The following FRMPD4 variants were observed in gnomAD, a reference collection of about 807,000 sequenced individuals.
The protein encoded by FRMPD4 is FERM and PDZ domain-containing protein 4.
FRMPD4 carries 22 observed loss-of-function variants against 94.1 expected under a neutral mutation model. The observed-to-expected ratio is 0.23, with a 90% CI of 0.17 to 0.33. The LOEUF (loss-of-function observed/expected upper bound fraction) is 0.33. Ranked by LOEUF, FRMPD4 falls within the 10% of genes least tolerant of loss-of-function variation. The probability of loss-of-function intolerance (pLI) is 1.00; values close to 1 mark genes in which losing one functional copy is unlikely to be tolerated. For synonymous variants in FRMPD4, 631 were observed against 548.6 expected, an observed-to-expected ratio of 1.15 and a Z score of -2.10; for missense variants, 1,111 against 1,339.9, an observed-to-expected ratio of 0.83 and a Z score of 2.67.
intron 1 of FRMPD4, among the ~76,000 whole-genome samples, chrX:12,428,687 C>T (rs185594515): frequency 3.3e-3 from 370 of 111,722 alleles, no homozygotes; most frequent in African/African-American, 0.011. Flanking sequence ...GTAATATCTT[C>T]GCTTCTTTCT....
chrX:12,564,819 G>A (rs1197361184), intron 2 of FRMPD4, among the ~76,000 whole-genome samples: 1 of 42,983 alleles, frequency 2.3e-5, no homozygotes, highest in Non-Finnish European at 4.2e-5. Context: ...TACAAGGTAA[G>A]GAAATGCTTG....
intron 2 of FRMPD4, among the ~76,000 whole-genome samples, chrX:12,529,960 C>A (rs1045485701): frequency 9.1e-6 from 1 of 110,456 alleles, no homozygotes; most frequent in Non-Finnish European, 1.9e-5. Context: ...TTTATAAGAA[C>A]CCTAATCCTA....
chrX:12,450,017 G>C (rs1181225853), intron 1 of FRMPD4, among the ~76,000 whole-genome samples: 2 of 109,898 alleles, frequency 1.8e-5, no homozygotes, highest in Non-Finnish European at 3.8e-5. Flanking sequence ...AGAAATTATA[G>C]GCAGAAATTA....
At chrX:12,334,434 C>T (rs2055483585) in intron 1 of FRMPD4, among the ~76,000 whole-genome samples, 2 of 110,559 alleles carry the variant, frequency 1.8e-5, no homozygotes, top group Admixed American at 1.9e-4. Context: ...TGGGCACTGC[C>T]AAGTCAAGTG....
intron 3 of FRMPD4, among the ~76,000 whole-genome samples, chrX:12,112,115 C>T (rs1287871214): frequency 8.9e-6 from 1 of 111,994 alleles, no homozygotes; most frequent in Non-Finnish European, 1.9e-5. Context: ...GACACATGCA[C>T]ACGTATGTTT....
intron 1 of FRMPD4, among the ~76,000 whole-genome samples, chrX:12,278,278 G>T (rs1022171265): frequency 8.9e-6 from 1 of 112,119 alleles, no homozygotes; most frequent in African/African-American, 3.2e-5. Flanking sequence ...GCCGGGGAAT[G>T]ATTTTTTTCC....
chrX:12,449,118 G>A (rs1309907871), intron 1 of FRMPD4, among the ~76,000 whole-genome samples: 2 of 112,324 alleles, frequency 1.8e-5, no homozygotes, highest in African/African-American at 3.2e-5. Context: ...TTCACAATAC[G>A]TATTTAGGCC....
chrX:12,434,017 C>T (rs1228328978), intron 1 of FRMPD4, among the ~76,000 whole-genome samples: 1 of 111,462 alleles, frequency 9.0e-6, no homozygotes, highest in Non-Finnish European at 1.9e-5. Context: ...GTAGAAGCTT[C>T]AAGCGTGGAG....
At chrX:12,496,321 G>A (rs1326607282) in intron 1 of FRMPD4, among the ~76,000 whole-genome samples, 2 of 111,994 alleles carry the variant, frequency 1.8e-5, no homozygotes, top group Non-Finnish European at 3.8e-5. Context: ...CTGAAGACAA[G>A]AATCATCTGA....
At chrX:12,303,027 A>G (rs766322311) in intron 1 of FRMPD4, among the ~76,000 whole-genome samples, 2 of 111,650 alleles carry the variant, frequency 1.8e-5, no homozygotes, top group Admixed American at 9.5e-5. Flanking sequence ...AATAGCCCCA[A>G]TACAATAAAC....
At chrX:12,499,468 G>C (rs768525365) in intron 2 of FRMPD4, among the ~76,000 whole-genome samples, 2 of 112,062 alleles carry the variant, frequency 1.8e-5, no homozygotes, top group South Asian at 7.5e-4. Flanking sequence ...TCCATTTCCA[G>C]AACTTTTTCA....
intron 1 of FRMPD4, among the ~76,000 whole-genome samples, chrX:12,490,610 A>G (rs925337092): frequency 9.0e-6 from 1 of 111,618 alleles, no homozygotes. Flanking sequence ...CCTTACAACA[A>G]TTCAACAGGA....
chrX:12,532,506 T>C (rs753786271), intron 2 of FRMPD4, among the ~76,000 whole-genome samples: 1 of 112,048 alleles, frequency 8.9e-6, no homozygotes, highest in South Asian at 3.8e-4. Context: ...TAGAGTAGTA[T>C]TAGCAGTATC....
chrX:12,429,274 C>T lies in FRMPD4; in HGVS notation c.42-69406C>T, dbSNP rs765916915. Reference sequence around the variant, plus strand: ...TCTGCTTACATTTCAGTTTCTTCTACGGCATCTCCACTGATTGTGGAAGGA... The same window carrying T: ...TCTGCTTACATTTCAGTTTCTTCTATGGCATCTCCACTGATTGTGGAAGGA... On this transcript the variant is annotated intron_variant, in intron 1 of 16. Transcript: ENST00000675598. 1.3e-4 allele frequency among the ~76,000 whole-genome samples: 14 copies of T among 111,881 alleles called. No homozygotes were observed. In the South Asian group the frequency reaches 3.4e-3, roughly 27 times the overall value.
intron 1 of FRMPD4, among the ~76,000 whole-genome samples, chrX:12,367,332 G>A (rs942991679): frequency 8.9e-6 from 1 of 112,002 alleles, no homozygotes; most frequent in Non-Finnish European, 1.9e-5. Context: ...ATCCCATTCC[G>A]GCCTGCACAT....
At chrX:12,684,276 T>C (rs2059999767) in intron 6 of FRMPD4, among the ~76,000 whole-genome samples, 1 of 112,482 alleles carries the variant, frequency 8.9e-6, no homozygotes, top group South Asian at 3.7e-4. Flanking sequence ...GGCACTAATA[T>C]TTTTTGGACC....
chrX:12,090,083 C>G (rs1456975051), intron 3 of FRMPD4, among the ~76,000 whole-genome samples: 1 of 111,500 alleles, frequency 9.0e-6, no homozygotes, highest in Non-Finnish European at 1.9e-5. Flanking sequence ...ATTGGAGAAA[C>G]AGTGATATGG....
chrX:11,876,026 C>CACCA (rs2053782854), intron 2 of FRMPD4, among the ~76,000 whole-genome samples: 1 of 109,440 alleles, frequency 9.1e-6, no homozygotes, highest in South Asian at 4.0e-4. Context: ...CAGGCACCCA[C>CACCA]CACCATGCCC....
At chrX:12,534,722 T>A (rs1233483886) in intron 2 of FRMPD4, among the ~76,000 whole-genome samples, 1 of 112,576 alleles carries the variant, frequency 8.9e-6, no homozygotes, top group Non-Finnish European at 1.9e-5. Flanking sequence ...ATTTCTCCCA[T>A]TTGGGATGGC....
Sources: gnomAD v4.1 joint callset for allele counts (sites outside exome capture counted in the v4.1 genomes callset) on GRCh38, gnomAD v4.1.1 for gene constraint, MANE v1.5 for transcripts, NCBI Gene and HGNC (gene_info 2026-07-23, HGNC 2026-07-21) for gene names.